Variants in HS6ST3 observed in about 807,000 individuals in gnomAD.
HS6ST3 encodes heparan-sulfate 6-O-sulfotransferase 3.
In HS6ST3, 12 loss-of-function variants were observed where a neutral mutation model predicts 36.7. The ratio of observed to expected loss-of-function variants is 0.33; its 90% CI spans 0.21 to 0.53. HS6ST3 has a LOEUF of 0.53. Ranked by LOEUF, HS6ST3 falls within the 20% of genes least tolerant of loss-of-function variation. HS6ST3 has a pLI of 0.95. For synonymous variants in HS6ST3, 240 were observed against 257.5 expected (o/e 0.93, Z 0.65); for missense variants, 584 against 640.9 (o/e 0.91, Z 0.96).
intron 1 of HS6ST3, among the ~76,000 whole-genome samples, chr13:96,254,494 T>G (rs1372587846): frequency 4.6e-5 from 1 of 21,930 alleles, no homozygotes; most frequent in African/African-American, 1.7e-4. Context: ...TATATATATA[T>G]ATATACACAT....
chr13:96,324,068 T>C (rs73550604), intron 1 of HS6ST3, among the ~76,000 whole-genome samples: 5,789 of 152,248 alleles, frequency 0.038, 134 homozygotes, highest in South Asian at 0.095. Context: ...ATTAGTCCCC[T>C]GTGCCTCCAT....
chr13:96,168,496 A>G (rs1160263425), intron 1 of HS6ST3, among the ~76,000 whole-genome samples: 1 of 152,030 alleles, frequency 6.6e-6, no homozygotes, highest in Non-Finnish European at 1.5e-5. Flanking sequence ...CCTTCAGCCT[A>G]GGAGTTCAAA....
At chr13:96,827,180 G>C (rs148324815) in intron 1 of HS6ST3, among the ~76,000 whole-genome samples, 182 of 152,294 alleles carry the variant, frequency 1.2e-3, no homozygotes, top group African/African-American at 4.1e-3. Flanking sequence ...TGAGGACATG[G>C]AATATTAGTC....
intron 1 of HS6ST3, among the ~76,000 whole-genome samples, chr13:96,596,354 C>T (rs2056401439): frequency 6.6e-6 from 1 of 152,048 alleles, no homozygotes; most frequent in African/African-American, 2.4e-5. Flanking sequence ...TCATTATTAA[C>T]TCATCAGTTG....
At chr13:96,260,303 T>C (rs1225700646) in intron 1 of HS6ST3, among the ~76,000 whole-genome samples, 1 of 149,434 alleles carries the variant, frequency 6.7e-6, no homozygotes, top group Non-Finnish European at 1.5e-5. Context: ...CCCTACTTTT[T>C]TCTTTTCTTT....
chr13:96,475,418 A>G (rs1193961937), intron 1 of HS6ST3, among the ~76,000 whole-genome samples: 4 of 152,270 alleles, frequency 2.6e-5, no homozygotes, highest in African/African-American at 9.6e-5. Context: ...TAATACAAGC[A>G]TAATGGTTTA....
At chr13:96,670,106 C>G (rs956111154) in intron 1 of HS6ST3, among the ~76,000 whole-genome samples, 1 of 152,034 alleles carries the variant, frequency 6.6e-6, no homozygotes, top group African/African-American at 2.4e-5. Context: ...AGGGACAACT[C>G]AGTAAAGAAG....
intron 1 of HS6ST3, among the ~76,000 whole-genome samples, chr13:96,628,264 C>G (rs1214224867): frequency 6.6e-6 from 1 of 151,888 alleles, no homozygotes; most frequent in Non-Finnish European, 1.5e-5. Flanking sequence ...CCTCTATAAT[C>G]TACGTTTTTC....
intron 1 of HS6ST3, among the ~76,000 whole-genome samples, chr13:96,329,136 C>A (rs2055050204): frequency 6.7e-6 from 1 of 149,412 alleles, no homozygotes; most frequent in Non-Finnish European, 1.5e-5. Context: ...AAACCAGCTC[C>A]CGGATTCATT....
At chr13:96,708,916 C>T (rs1324333902) in intron 1 of HS6ST3, among the ~76,000 whole-genome samples, 1 of 152,152 alleles carries the variant, frequency 6.6e-6, no homozygotes. Flanking sequence ...CGTTCCTAAA[C>T]GTTGTCTCTT....
chr13:96,104,310 T>C (rs2139296523), intron 1 of HS6ST3, among the ~76,000 whole-genome samples: 1 of 152,342 alleles, frequency 6.6e-6, no homozygotes, highest in African/African-American at 2.4e-5. Flanking sequence ...GATTTTCATA[T>C]GTGAAGCCTA....
chr13:96,141,073 G>C (rs1228178160), intron 1 of HS6ST3, among the ~76,000 whole-genome samples: 1 of 152,146 alleles, frequency 6.6e-6, no homozygotes, highest in Non-Finnish European at 1.5e-5. Flanking sequence ...CTGGACAAAA[G>C]AATGTCACAA....
intron 1 of HS6ST3, among the ~76,000 whole-genome samples, chr13:96,546,689 G>A (rs970686635): frequency 2.6e-5 from 4 of 152,070 alleles, no homozygotes; most frequent in African/African-American, 9.7e-5. Flanking sequence ...CCATCGTAGG[G>A]GTGTGTTAAA....
chr13:96,607,804 T>C (rs1188567278), intron 1 of HS6ST3, among the ~76,000 whole-genome samples: 1 of 152,210 alleles, frequency 6.6e-6, no homozygotes, highest in African/African-American at 2.4e-5. Flanking sequence ...AGAAAGTAGA[T>C]AGCGGTGTGC....
At chr13:96,309,772 G>A (rs1049857385) in intron 1 of HS6ST3, among the ~76,000 whole-genome samples, 4 of 152,032 alleles carry the variant, frequency 2.6e-5, no homozygotes, top group African/African-American at 4.8e-5. Flanking sequence ...TAATAAGATC[G>A]TATGTTCCTA....
intron 1 of HS6ST3, among the ~76,000 whole-genome samples, chr13:96,600,398 A>G (rs1459702798): frequency 6.6e-6 from 1 of 151,612 alleles, no homozygotes; most frequent in African/African-American, 2.4e-5. Flanking sequence ...TTCTTGTTGA[A>G]TTGATCCTTT....
At chr13:96,278,580 G>A (rs1325875875) in intron 1 of HS6ST3, among the ~76,000 whole-genome samples, 1 of 152,152 alleles carries the variant, frequency 6.6e-6, no homozygotes, top group African/African-American at 2.4e-5. Context: ...AACTAGAGCA[G>A]TCTTGCACCA....
At chr13:96,287,465 A>G (rs2054809381) in intron 1 of HS6ST3, among the ~76,000 whole-genome samples, 1 of 152,212 alleles carries the variant, frequency 6.6e-6, no homozygotes. Context: ...ATTACTTACT[A>G]TCAAGGCACG....
chr13:96,627,776 G>A (rs1044413185), intron 1 of HS6ST3, among the ~76,000 whole-genome samples: 3 of 151,772 alleles, frequency 2.0e-5, no homozygotes, highest in Non-Finnish European at 4.4e-5. Flanking sequence ...TTCTAAAAAT[G>A]TATTCATTTC....
Sources: allele counts gnomAD v4.1 joint callset (sites outside exome capture counted in the v4.1 genomes callset), GRCh38; gene constraint gnomAD v4.1.1; transcripts MANE v1.5; gene names NCBI Gene and HGNC (gene_info 2026-07-23, HGNC 2026-07-21).